PRKG1: variants seen among roughly 807,000 people sequenced by gnomAD.
The protein encoded by PRKG1 is cGMP-dependent protein kinase 1.
Under a neutral mutation model 88.1 loss-of-function variants are expected in PRKG1, and 35 were observed. The ratio of observed to expected loss-of-function variants is 0.40; its 90% CI spans 0.30 to 0.53. The LOEUF is 0.53. Ranked by LOEUF, PRKG1 falls within the 20% of genes least tolerant of loss-of-function variation. The pLI is 0.59. For synonymous variants in PRKG1, 303 were observed against 292.5 expected, an observed-to-expected ratio of 1.04 and a Z score of -0.37; for missense variants, 540 against 839.8, an observed-to-expected ratio of 0.64 and a Z score of 4.41.
At chr10:51,499,591 A>G (rs1235436504) in intron 3 of PRKG1, among the ~76,000 whole-genome samples, 1 of 152,102 alleles carries the variant, frequency 6.6e-6, no homozygotes, top group Non-Finnish European at 1.5e-5. Context: ...TAGGCAACAA[A>G]AAAGTAAGCA....
intron 3 of PRKG1, among the ~76,000 whole-genome samples, chr10:51,535,547 T>G (rs1470403122): frequency 6.6e-6 from 1 of 152,180 alleles, no homozygotes; most frequent in East Asian, 1.9e-4. Flanking sequence ...ATTTTTGTTA[T>G]AAGAAAGTCG....
chr10:52,049,308 T>G (rs2133244417), intron 5 of PRKG1, among the ~76,000 whole-genome samples: 1 of 152,080 alleles, frequency 6.6e-6, no homozygotes, highest in Admixed American at 6.6e-5. Flanking sequence ...AAGGACCAGT[T>G]GAGTGCAAAG....
intron 3 of PRKG1, among the ~76,000 whole-genome samples, chr10:51,676,176 A>G (rs1007084669): frequency 1.3e-5 from 2 of 151,750 alleles, no homozygotes; most frequent in Non-Finnish European, 2.9e-5. Context: ...GCAACCAGAC[A>G]CATGTGGGTC....
chr10:52,178,830 T>C (rs1392944591), intron 9 of PRKG1, among the ~76,000 whole-genome samples: 2 of 152,152 alleles, frequency 1.3e-5, no homozygotes, highest in Non-Finnish European at 2.9e-5. Context: ...GCTTTTGTTT[T>C]CCATTTGTGT....
chr10:52,142,687 G>T (rs1035070205), intron 8 of PRKG1, among the ~76,000 whole-genome samples: 1 of 152,118 alleles, frequency 6.6e-6, no homozygotes, highest in African/African-American at 2.4e-5. Context: ...GAATTTAAAT[G>T]ACAATTTTAT....
intron 5 of PRKG1, among the ~76,000 whole-genome samples, chr10:51,957,244 CT>C (rs1843334744): frequency 7.8e-6 from 1 of 128,186 alleles, no homozygotes; most frequent in African/African-American, 2.9e-5. Flanking sequence ...CTACTTCTCT[CT>C]TTTCTTTCAT....
At chr10:51,180,443 C>G (rs967030746) in intron 2 of PRKG1, among the ~76,000 whole-genome samples, 3 of 152,208 alleles carry the variant, frequency 2.0e-5, no homozygotes, top group African/African-American at 7.2e-5. Context: ...TCCCAAAGAT[C>G]CCCATCTTTG....
At chr10:51,977,301 T>C (rs1309504390) in intron 5 of PRKG1, among the ~76,000 whole-genome samples, 1 of 152,038 alleles carries the variant, frequency 6.6e-6, no homozygotes, top group Non-Finnish European at 1.5e-5. Context: ...GATATGATCT[T>C]ATTCGTTTTT....
intron 2 of PRKG1, among the ~76,000 whole-genome samples, chr10:51,259,044 TG>T (rs772588524): frequency 1.3e-5 from 2 of 152,228 alleles, no homozygotes; most frequent in African/African-American, 2.4e-5. Context: ...TAGGGCTATA[TG>T]GTGCCCCCTG....
At chr10:51,934,802 C>T (rs2133013440) in intron 5 of PRKG1, among the ~76,000 whole-genome samples, 1 of 152,274 alleles carries the variant, frequency 6.6e-6, no homozygotes, top group Middle Eastern at 3.4e-3. Context: ...AGGCAGAGCT[C>T]ATAGTCAATT....
At chr10:51,362,028 C>T (rs1842492285) in intron 2 of PRKG1, among the ~76,000 whole-genome samples, 2 of 151,716 alleles carry the variant, frequency 1.3e-5, no homozygotes, top group South Asian at 4.1e-4. Context: ...ATTAAAAAAA[C>T]TGAAATAAAA....
chr10:51,448,531 GAAGAGGCT>G (rs1345859202), intron 2 of PRKG1, among the ~76,000 whole-genome samples: 1 of 152,056 alleles, frequency 6.6e-6, no homozygotes, highest in African/African-American at 2.4e-5. Flanking sequence ...CTGTAGAGCT[GAAGAGGCT>G]GATCCTTATT....
chr10:51,841,235 T>G (rs917386042), intron 4 of PRKG1, among the ~76,000 whole-genome samples: 1 of 152,240 alleles, frequency 6.6e-6, no homozygotes, highest in Non-Finnish European at 1.5e-5. Flanking sequence ...TGATTTAGTT[T>G]ATTCATTCAT....
intron 1 of PRKG1, among the ~76,000 whole-genome samples, chr10:51,088,570 AC>A (rs1844315504): frequency 6.6e-6 from 1 of 152,022 alleles, no homozygotes; most frequent in Non-Finnish European, 1.5e-5. Context: ...CATGGATTGG[AC>A]CCAGCATTCC....
intron 2 of PRKG1, among the ~76,000 whole-genome samples, chr10:51,201,802 A>C (rs1224642030): frequency 6.6e-6 from 1 of 152,182 alleles, no homozygotes; most frequent in East Asian, 1.9e-4. Context: ...CCTTGCTGGC[A>C]CCCTGATATC....
intron 3 of PRKG1, 100 bp from the exon 4 acceptor site, chr10:51,804,485 T>A (rs1839254334): frequency 3.9e-6 from 3 of 763,098 alleles, no homozygotes; most frequent in Non-Finnish European, 6.5e-6. Flanking sequence ...ATCATTTTCA[T>A]GATTCTCATG....
intron 1 of PRKG1, among the ~76,000 whole-genome samples, chr10:51,022,895 G>T (rs1449601527): frequency 3.3e-5 from 5 of 152,224 alleles, no homozygotes; most frequent in Admixed American, 6.5e-5. Flanking sequence ...TACCTGGGAG[G>T]CTGAGGCAGG....
In PRKG1 at chr10:51,034,671, TATA is replaced by T. The variant is rs1843330431; in HGVS notation, c.266+43028_266+43030del. Among the ~76,000 whole-genome samples, 235 of 44,402 alleles carry T rather than the reference TATA, an allele frequency of 5.3e-3. 10 individuals carry two copies. The highest frequency in any genetic ancestry group is 5.4e-3 in the Non-Finnish European group (108 of 20,116). The allele number at this position is 44,402 out of a possible 152,430, so 29.1% of individuals were successfully genotyped here. A position where few individuals can be genotyped will look rare whatever the true frequency, so the allele number is the denominator to read the frequency against. On this transcript the variant is annotated intron_variant, in intron 1 of 17. Coordinates refer to the PRKG1 transcript ENST00000401604. The stretch of plus-strand genomic sequence containing the variant: ...AAAATTATATATAATATGTTATTTA[TATA>T]TATATATATATATATATATATATAT...
chr10:51,692,665 A>G (rs1172042375), intron 3 of PRKG1, among the ~76,000 whole-genome samples: 1 of 152,170 alleles, frequency 6.6e-6, no homozygotes, highest in Non-Finnish European at 1.5e-5. Context: ...TTGTAGAGAC[A>G]GGATCTCCCT....
Sources: gnomAD v4.1 joint callset for allele counts (sites outside exome capture counted in the v4.1 genomes callset) on GRCh38, gnomAD v4.1.1 for gene constraint, MANE v1.5 for transcripts, NCBI Gene and HGNC (gene_info 2026-07-23, HGNC 2026-07-21) for gene names.